Variants in CDADC1 observed in about 807,000 individuals in gnomAD.
CDADC1 encodes cytidine and dCMP deaminase domain containing 1, also known as dCTP deaminase.
Under a neutral mutation model 54.9 loss-of-function variants are expected in CDADC1, and 39 were observed. The ratio of observed to expected loss-of-function variants is 0.71; its 90% CI spans 0.55 to 0.93. CDADC1 has a LOEUF of 0.93. Ranked by LOEUF, CDADC1 falls within the 40% of genes least tolerant of loss-of-function variation. The probability of loss-of-function intolerance (pLI) is 0.00; values close to 1 mark genes in which losing one functional copy is unlikely to be tolerated. For missense variants in CDADC1, 518 were observed against 618.8 expected (o/e 0.84, Z 1.73); for synonymous variants, 186 against 204.0 (o/e 0.91, Z 0.75).
intron 5 of CDADC1, among the ~76,000 whole-genome samples, chr13:49,269,746 T>G (rs1215727995): frequency 6.6e-6 from 1 of 152,224 alleles, no homozygotes; most frequent in Admixed American, 6.5e-5. Context: ...GCGATGTGAA[T>G]CTGCTATTTT....
In CDADC1 at chr13:49,247,971, G is replaced by A. The variant is rs1952333448; in HGVS notation, c.-67G>A. 2 of 1,411,426 alleles carry A rather than the reference G, an allele frequency of 1.4e-6. No individual in the cohort carries two copies. Among genetic ancestry groups the A allele is most frequent in the Non-Finnish European group, 2.0e-6 (2 of 1,020,904 alleles). 87.4% of individuals were successfully genotyped at this position (1,411,426 alleles called of 1,614,324 possible). On this transcript the variant is annotated 5_prime_UTR_variant, in exon 1 of 10. Transcript: ENST00000251108. ...TGCTGAGAGGAGGCGAGAGGCGGGGGCGCTAGGGCCGAGATCATGTCTGAC... is the reference window on the plus strand; with the variant it reads ...TGCTGAGAGGAGGCGAGAGGCGGGGACGCTAGGGCCGAGATCATGTCTGAC...
chr13:49,272,031 G>A (rs1952977617), intron 5 of CDADC1, among the ~76,000 whole-genome samples: 1 of 152,062 alleles, frequency 6.6e-6, no homozygotes, highest in Non-Finnish European at 1.5e-5. Flanking sequence ...TAGCTAGGCA[G>A]CAGAGCTGCA....
chr13:49,256,844 CAT>C (rs1250557742), intron 3 of CDADC1, among the ~76,000 whole-genome samples: 1 of 152,090 alleles, frequency 6.6e-6, no homozygotes, highest in African/African-American at 2.4e-5. Flanking sequence ...AGAATATTTA[CAT>C]GTTTTCATAA....
intron 2 of CDADC1, among the ~76,000 whole-genome samples, chr13:49,253,126 A>G (rs1164014997): frequency 6.6e-6 from 1 of 152,208 alleles, no homozygotes; most frequent in Non-Finnish European, 1.5e-5. Context: ...TCACAGAAAT[A>G]CCAAGATGCA....
intron 9 of CDADC1, 44 bp from the exon 10 acceptor site, chr13:49,291,640 T>A (rs1469767543): frequency 6.3e-7 from 1 of 1,591,646 alleles, no homozygotes; most frequent in South Asian, 1.1e-5. Context: ...TGCCCATGGG[T>A]TTGAAATGAA....
chr13:49,281,593 T>C (rs1268381502), intron 8 of CDADC1, among the ~76,000 whole-genome samples: 2 of 152,202 alleles, frequency 1.3e-5, no homozygotes, highest in East Asian at 3.9e-4. Context: ...CAGGCGGTAA[T>C]GCTCGCTCGC....
intron 2 of CDADC1, among the ~76,000 whole-genome samples, chr13:49,253,672 T>TTTG (rs999999855): frequency 4.6e-5 from 7 of 152,128 alleles, no homozygotes; most frequent in East Asian, 1.9e-4. Context: ...GTACTATGTG[T>TTTG]TTGTTGTTGT....
chr13:49,280,535 G>T lies in CDADC1; in HGVS notation c.1247G>T (p.Arg416Ile). Residue 416 changes from arginine (R) to isoleucine (I), a missense_variant, in exon 8 of 10, where the codon AGA (arginine) becomes ATA (isoleucine). Physicochemically the swap from Arg to Ile is moderately conservative, Grantham distance 97. Coordinates refer to ENST00000251108, the MANE Select transcript of CDADC1 (RefSeq NM_030911.4). ...FRCQEIKPEE[R>I]SMIFVTKCPC... The stretch of plus-strand genomic sequence containing the variant: ...TGTCAAGAAATAAAACCAGAAGAAA[G>T]AAGCATGATTTTTGTGACAAAGTGC... 6.9e-7 allele frequency: 1 copy of T among 1,450,920 alleles called. No individual in the cohort carries two copies. The highest frequency in any genetic ancestry group is 9.1e-7 in the Non-Finnish European group (1 of 1,095,836). 89.9% of individuals were successfully genotyped at this position (1,450,920 alleles called of 1,614,324 possible). A position where few individuals can be genotyped will look rare whatever the true frequency, so the allele number is the denominator to read the frequency against.
intron 8 of CDADC1, among the ~76,000 whole-genome samples, chr13:49,282,982 C>G: frequency 6.6e-6 from 1 of 152,214 alleles, no homozygotes; most frequent in East Asian, 1.9e-4. Context: ...TGTCCAGAAT[C>G]ATACATTGTT....
chr13:49,266,887 A>G (rs1952828341), intron 4 of CDADC1, among the ~76,000 whole-genome samples: 1 of 152,168 alleles, frequency 6.6e-6, no homozygotes, highest in Non-Finnish European at 1.5e-5. Flanking sequence ...ACTAGGCAAT[A>G]TTAGTTGTTC....
intron 6 of CDADC1, among the ~76,000 whole-genome samples, chr13:49,275,771 AGAGAGAGAGAGAGAGAGAGAGAGAGT>A: frequency 8.6e-5 from 9 of 104,944 alleles, no homozygotes; most frequent in African/African-American, 1.1e-4. Context: ...AGAGAGAGAG[AGAGAGAGAGAGAGAGAGAGAGAGAGT>A]CTCACTCTGT....
At chr13:49,271,485 CAGATATGAGTATGCCTGAG>C (rs1480898761) in intron 5 of CDADC1, among the ~76,000 whole-genome samples, 1 of 152,064 alleles carries the variant, frequency 6.6e-6, no homozygotes, top group Non-Finnish European at 1.5e-5. Flanking sequence ...CAGTGGTTCT[CAGATATGAGTATGCCTGAG>C]AATCAAGGGG....
intron 1 of CDADC1, chr13:49,248,328 CT>C: frequency 1.8e-6 from 1 of 543,112 alleles, no homozygotes; most frequent in South Asian, 2.4e-5. Flanking sequence ...CTTTTTACCC[CT>C]GTTAGCTACT....
chr13:49,248,772 G>C (rs1327884431), intron 1 of CDADC1, 99 bp from the exon 2 acceptor site: 2 of 750,796 alleles, frequency 2.7e-6, no homozygotes, highest in Non-Finnish European at 4.8e-6. Context: ...TCTTGCGAAA[G>C]CAGCTGGGCT....
At chr13:49,282,289 A>C (rs868461149) in intron 8 of CDADC1, among the ~76,000 whole-genome samples, 4 of 109,296 alleles carry the variant, frequency 3.7e-5, no homozygotes, top group Non-Finnish European at 6.9e-5. Flanking sequence ...GGGTCTCACT[A>C]TCTCACCCAG....
At chr13:49,279,977 G>A (rs1321320051) in intron 7 of CDADC1, among the ~76,000 whole-genome samples, 1 of 152,284 alleles carries the variant, frequency 6.6e-6, no homozygotes, top group East Asian at 1.9e-4. Context: ...TGATAGGGAA[G>A]GGGTAAGGGA....
At chr13:49,256,078 TA>T (rs61624498) in intron 3 of CDADC1, among the ~76,000 whole-genome samples, 165 bp downstream of exon 3, 2 of 149,962 alleles carry the variant, frequency 1.3e-5, no homozygotes, top group Non-Finnish European at 3.0e-5. Flanking sequence ...TCCTTTTTTT[TA>T]AAAAAAAAAG....
intron 5 of CDADC1, among the ~76,000 whole-genome samples, chr13:49,269,315 A>G (rs1952905727): frequency 2.3e-5 from 2 of 88,754 alleles, no homozygotes; most frequent in African/African-American, 8.7e-5. Context: ...TTACTTTTAT[A>G]AAAAGTACAG....
chr13:49,249,428 C>T (rs2138187520), intron 2 of CDADC1, among the ~76,000 whole-genome samples: 1 of 152,234 alleles, frequency 6.6e-6, no homozygotes, highest in Admixed American at 6.5e-5. Flanking sequence ...TCTTGAAAGA[C>T]AGGATCAAAA....
Sources: allele counts gnomAD v4.1 joint callset (sites outside exome capture counted in the v4.1 genomes callset), GRCh38; gene constraint gnomAD v4.1.1; transcripts MANE v1.5; gene names NCBI Gene and HGNC (gene_info 2026-07-23, HGNC 2026-07-21).